The following RPSA2 variants were observed in gnomAD, a reference collection of about 807,000 sequenced individuals.
RPSA2 encodes small ribosomal subunit protein uS2B.
At chr19:23,869,387 G>C in the RPSA2 span, among the ~76,000 whole-genome samples, 2 of 147,172 alleles carry the variant, frequency 1.4e-5, no homozygotes, top group African/African-American at 5.0e-5. Flanking sequence ...TATGTAACTG[G>C]TGTGCTAACC....
At chr19:23,841,442 C>A in the RPSA2 span, among the ~76,000 whole-genome samples, 2 of 152,006 alleles carry the variant, frequency 1.3e-5, no homozygotes, top group African/African-American at 2.4e-5. Flanking sequence ...CCAGCCTGGG[C>A]GACAGAGCCA....
At chr19:23,807,271 C>T in the RPSA2 span, among the ~76,000 whole-genome samples, 7 of 152,146 alleles carry the variant, frequency 4.6e-5, no homozygotes, top group Non-Finnish European at 1.0e-4. Flanking sequence ...ACAGGCTCTT[C>T]CACTTACTGG....
At chr19:23,760,440 G>A in the RPSA2 span, among the ~76,000 whole-genome samples, 1 of 151,974 alleles carries the variant, frequency 6.6e-6, no homozygotes, top group Admixed American at 6.6e-5. Context: ...TCCATGTCAT[G>A]AACGATGATG....
At chr19:23,861,999 C>T in the RPSA2 span, among the ~76,000 whole-genome samples, 1 of 152,044 alleles carries the variant, frequency 6.6e-6, no homozygotes, top group Non-Finnish European at 1.5e-5. Flanking sequence ...TTGATTCTTC[C>T]TACCCATGAG....
the RPSA2 span, among the ~76,000 whole-genome samples, chr19:23,850,896 G>A: frequency 6.6e-6 from 1 of 152,274 alleles, no homozygotes; most frequent in South Asian, 2.1e-4. Flanking sequence ...GGACAATTGA[G>A]TTTTTAAGGT....
At chr19:23,806,333 G>A in the RPSA2 span, among the ~76,000 whole-genome samples, 3 of 151,900 alleles carry the variant, frequency 2.0e-5, no homozygotes, top group Non-Finnish European at 4.4e-5. Context: ...ATGAGCCACA[G>A]CATCCAGCAA....
At chr19:23,852,657 C>T in the RPSA2 span, among the ~76,000 whole-genome samples, 1 of 152,172 alleles carries the variant, frequency 6.6e-6, no homozygotes, top group Admixed American at 6.5e-5. Flanking sequence ...GCCCTCATTC[C>T]CATAAACCCA....
chr19:23,866,513 GC>G, the RPSA2 span, among the ~76,000 whole-genome samples: 295 of 142,388 alleles, frequency 2.1e-3, 1 homozygote, highest in African/African-American at 7.1e-3. Context: ...ACAATGTGGT[GC>G]CCCCCCCCGC....
the RPSA2 span, among the ~76,000 whole-genome samples, chr19:23,838,741 G>A: frequency 1.8e-5 from 2 of 110,440 alleles, no homozygotes; most frequent in Non-Finnish European, 3.7e-5. Flanking sequence ...GTGTAAAGGT[G>A]TTCTTAGGAG....
the RPSA2 span, among the ~76,000 whole-genome samples, chr19:23,821,279 C>T: frequency 1.8e-4 from 28 of 152,302 alleles, no homozygotes; most frequent in East Asian, 3.7e-3. Flanking sequence ...GCCATCCCAG[C>T]GCCATGGAGT....
chr19:23,842,442 T>A, the RPSA2 span: 2 of 152,200 alleles, frequency 1.3e-5, no homozygotes, highest in Non-Finnish European at 2.9e-5. Context: ...AATTCCAGTC[T>A]CTTATGTAAA....
the RPSA2 span, among the ~76,000 whole-genome samples, chr19:23,852,643 C>G: frequency 2.0e-5 from 3 of 152,088 alleles, no homozygotes; most frequent in Non-Finnish European, 4.4e-5. Flanking sequence ...GCCAGGTGTT[C>G]CTTGCCCTCA....
the RPSA2 span, among the ~76,000 whole-genome samples, chr19:23,806,679 G>A: frequency 6.6e-6 from 1 of 151,062 alleles, no homozygotes; most frequent in African/African-American, 2.4e-5. Context: ...CAGCTACTAG[G>A]GAAGCTGAGG....
chr19:23,824,315 G>A, the RPSA2 span, among the ~76,000 whole-genome samples: 117 of 152,292 alleles, frequency 7.7e-4, 1 homozygote, highest in African/African-American at 2.5e-3. Flanking sequence ...GCTGGTATAC[G>A]TCTTACTCAA....
chr19:23,788,647 T>C, the RPSA2 span, among the ~76,000 whole-genome samples: 5 of 152,132 alleles, frequency 3.3e-5, no homozygotes, highest in Admixed American at 2.0e-4. Context: ...TACCCTGCCA[T>C]AAGGGAATTG....
the RPSA2 span, among the ~76,000 whole-genome samples, chr19:23,839,780 G>T: frequency 2.6e-5 from 4 of 152,176 alleles, no homozygotes; most frequent in Admixed American, 1.3e-4. Flanking sequence ...AGCTCCCAGG[G>T]CCTCCCTGTT....
chr19:23,787,842 C>T, the RPSA2 span, among the ~76,000 whole-genome samples: 48 of 152,284 alleles, frequency 3.2e-4, no homozygotes, highest in African/African-American at 8.2e-4. Context: ...GACCTGCCTA[C>T]ATAATACGTT....
At chr19:23,796,257 A>G in the RPSA2 span, among the ~76,000 whole-genome samples, 5 of 152,158 alleles carry the variant, frequency 3.3e-5, no homozygotes, top group African/African-American at 9.7e-5. Context: ...TTATGTGATG[A>G]ATCACATTTA....
chr19:23,856,567 A>T, the RPSA2 span, among the ~76,000 whole-genome samples: 1,809 of 152,306 alleles, frequency 0.012, 14 homozygotes, highest in Middle Eastern at 0.017. Flanking sequence ...CACACCTACC[A>T]AAGGGAATCG....
Sources: allele counts gnomAD v4.1 joint callset (sites outside exome capture counted in the v4.1 genomes callset), GRCh38; gene constraint gnomAD v4.1.1; transcripts MANE v1.5; gene names NCBI Gene and HGNC (gene_info 2026-07-23, HGNC 2026-07-21).